The following UBE2D2 variants were observed in gnomAD, a reference collection of about 807,000 sequenced individuals.
UBE2D2 encodes ubiquitin-conjugating enzyme E2 D2.
In UBE2D2, 2 loss-of-function variants were observed where a neutral mutation model predicts 24.2. That is an observed-to-expected ratio of 0.08 (90% confidence interval 0.03 to 0.26). UBE2D2 has a LOEUF of 0.26. UBE2D2 is among the 10% of genes least tolerant of loss of function. UBE2D2 has a pLI of 1.00. For synonymous variants in UBE2D2, 58 were observed against 56.5 expected (o/e 1.03, Z -0.12); for missense variants, 44 against 177.6 (o/e 0.25, Z 4.28).
chr5:139,577,722 C>G (rs1753510470), intron 1 of UBE2D2, among the ~76,000 whole-genome samples: 1 of 152,118 alleles, frequency 6.6e-6, no homozygotes, highest in African/African-American at 2.4e-5. Context: ...TCCTGGCCAG[C>G]CAGTTGGCAT....
chr5:139,608,047 A>T (rs1440876008), intron 2 of UBE2D2, among the ~76,000 whole-genome samples: 1 of 152,034 alleles, frequency 6.6e-6, no homozygotes, highest in Non-Finnish European at 1.5e-5. Context: ...AATATACAAT[A>T]TGCTAGAGTA....
intron 1 of UBE2D2, among the ~76,000 whole-genome samples, chr5:139,582,054 G>A (rs1304621871): frequency 6.7e-6 from 1 of 149,650 alleles, no homozygotes; most frequent in Admixed American, 6.7e-5. Flanking sequence ...GCAATAGTGT[G>A]ATCATGGCTG....
chr5:139,549,646 G>A lies in UBE2D2; in HGVS notation c.-64+23034G>A, dbSNP rs369907378. On this transcript the variant is annotated intron_variant, in intron 1 of 6. Transcript: ENST00000511725. The stretch of plus-strand genomic sequence containing the variant: ...CCCTCCCCCTACACCGTGAGCTCGC[G>A]GGGCTGGAGACTCCCCGACGGGGCG... 2.1e-4 allele frequency among the ~76,000 whole-genome samples: 32 copies of A among 152,336 alleles called. No individual in the cohort carries two copies. In the East Asian group the frequency reaches 2.3e-3, roughly 11 times the overall value.
chr5:139,607,297 G>A (rs1754219673), intron 2 of UBE2D2, among the ~76,000 whole-genome samples: 1 of 152,132 alleles, frequency 6.6e-6, no homozygotes, highest in Non-Finnish European at 1.5e-5. Flanking sequence ...AGATTTAAAT[G>A]GTAGGTCTTT....
At chr5:139,615,662 G>A (rs1754407303) in intron 5 of UBE2D2, among the ~76,000 whole-genome samples, 2 of 151,990 alleles carry the variant, frequency 1.3e-5, no homozygotes, top group Admixed American at 6.6e-5. Flanking sequence ...TAGACGTTAG[G>A]TTCTTGAAGA....
chr5:139,599,560 C>T (rs1754028077), intron 1 of UBE2D2: 1 of 151,774 alleles, frequency 6.6e-6, no homozygotes, highest in African/African-American at 2.4e-5. Context: ...CACGGTGAAA[C>T]CCTGTCTCTA....
Position 139,626,907 on chromosome 5 carries a change from C to A in UBE2D2, c.*106C>A. 4.5e-6 allele frequency: 4 copies of A among 895,722 alleles called. No homozygotes were observed. The highest frequency in any genetic ancestry group is 4.4e-5 in the Admixed American group (2 of 45,748). 55.5% of individuals were successfully genotyped at this position (895,722 alleles called of 1,614,324 possible). ...TGCTTTCTATGAGCCCACGCCTCATCTTCCCCTGTGCACATGTTTACCTGA... is the reference window on the plus strand; with the variant it reads ...TGCTTTCTATGAGCCCACGCCTCATATTCCCCTGTGCACATGTTTACCTGA... On this transcript the variant is annotated 3_prime_UTR_variant, in exon 7 of 7. Transcript: ENST00000398733.
chr5:139,603,734 C>T (rs1308016057), intron 2 of UBE2D2, among the ~76,000 whole-genome samples: 1 of 150,942 alleles, frequency 6.6e-6, no homozygotes, highest in Non-Finnish European at 1.5e-5. Context: ...GCCAGGAATT[C>T]AATCAAGACC....
intron 1 of UBE2D2, among the ~76,000 whole-genome samples, chr5:139,598,194 C>A (rs1753997465): frequency 6.6e-6 from 1 of 152,104 alleles, no homozygotes; most frequent in Non-Finnish European, 1.5e-5. Flanking sequence ...CTGTGCCTGG[C>A]CCTTTTTCAA....
rs1472628301 is a variant in UBE2D2, at chr5:139,627,389, A to G, written c.*588A>G. ...ATGGATTGGAGCTATTAGTACATCA[A>G]GTGTGATGGGCTTTGTTCCCAACTC... On this transcript the variant is annotated 3_prime_UTR_variant, in exon 7 of 7. Coordinates refer to ENST00000398733, the MANE Select transcript of UBE2D2 (RefSeq NM_003339.3). 2.6e-5 allele frequency: 4 copies of G among 152,848 alleles called. No individual in the cohort carries two copies. Among genetic ancestry groups the G allele is most frequent in the African/African-American group, 9.6e-5 (4 of 41,464 alleles). The allele number at this position is 152,848 out of a possible 1,614,324, so 9.5% of individuals were successfully genotyped here.
At chr5:139,531,827 A>G (rs768292376) in intron 1 of UBE2D2, among the ~76,000 whole-genome samples, 20 of 151,716 alleles carry the variant, frequency 1.3e-4, no homozygotes, top group Non-Finnish European at 2.5e-4. Flanking sequence ...AACAAAAACA[A>G]AAACAAAAAA....
At position 139,548,191 on chromosome 5, in the gene UBE2D2, A is replaced by AT. The variant is rs1391208114; in HGVS notation, c.-64+21579_-64+21580insT. On this transcript the variant is annotated intron_variant, in intron 1 of 6. Coordinates refer to the UBE2D2 transcript ENST00000511725. ...AAAAAAAAAAAAAAAAAATAAAAAA[A>AT]AAAAATAAATAAATAAATAAATAAA... Among the ~76,000 whole-genome samples, 73 of 52,118 alleles carry AT rather than the reference A, an allele frequency of 1.4e-3. 1 individual carries two copies. Among genetic ancestry groups the AT allele is most frequent in the East Asian group, 3.1e-3 (10 of 3,248 alleles). 34.2% of individuals were successfully genotyped at this position (52,118 alleles called of 152,430 possible). A position where few individuals can be genotyped will look rare whatever the true frequency, so the allele number is the denominator to read the frequency against.
chr5:139,590,887 C>T (rs1039495100), intron 1 of UBE2D2, among the ~76,000 whole-genome samples: 1 of 148,370 alleles, frequency 6.7e-6, no homozygotes, highest in Non-Finnish European at 1.5e-5. Flanking sequence ...GTCCGCCTCC[C>T]GGGTTCCAGT....
At chr5:139,595,667 CACTT>C (rs1480394825) in intron 1 of UBE2D2, among the ~76,000 whole-genome samples, 1 of 151,946 alleles carries the variant, frequency 6.6e-6, no homozygotes, top group Non-Finnish European at 1.5e-5. Context: ...TTTTAATCCA[CACTT>C]ACAGTCAGGA....
upstream of UBE2D2, among the ~76,000 whole-genome samples, chr5:139,556,261 A>C (rs376930326): frequency 3.8e-4 from 58 of 151,850 alleles, no homozygotes; most frequent in African/African-American, 1.4e-3. Context: ...GAAATCAAAC[A>C]TTAGCTGGGC....
chr5:139,557,514 G>C (rs773757717), upstream of UBE2D2, among the ~76,000 whole-genome samples: 5 of 152,096 alleles, frequency 3.3e-5, no homozygotes, highest in Admixed American at 6.6e-5. Context: ...TTGGGAGGCC[G>C]AGGCGGGCAG....
chr5:139,596,862 G>A (rs751990718), intron 1 of UBE2D2, among the ~76,000 whole-genome samples: 11 of 151,764 alleles, frequency 7.2e-5, no homozygotes, highest in African/African-American at 1.9e-4. Flanking sequence ...CTGCTAACAC[G>A]GTGAAACCCC....
chr5:139,611,601 C>T (rs1364812788), intron 2 of UBE2D2, among the ~76,000 whole-genome samples: 1 of 152,140 alleles, frequency 6.6e-6, no homozygotes, highest in Non-Finnish European at 1.5e-5. Flanking sequence ...GTTCTGAAAT[C>T]TTTCATCATG....
At chr5:139,526,699 G>C (rs1193671483) in intron 1 of UBE2D2, 1 of 151,710 alleles carries the variant, frequency 6.6e-6, no homozygotes, top group African/African-American at 2.4e-5. Flanking sequence ...TGGCACTTTT[G>C]TTCTGGTTTT....
Sources: allele counts gnomAD v4.1 joint callset (sites outside exome capture counted in the v4.1 genomes callset), GRCh38; gene constraint gnomAD v4.1.1; transcripts MANE v1.5; gene names NCBI Gene and HGNC (gene_info 2026-07-23, HGNC 2026-07-21).